The following SMIM35 variants were observed in gnomAD, a reference collection of about 807,000 sequenced individuals.
The protein encoded by SMIM35 is small integral membrane protein 35.
rs1419280083 is a variant in SMIM35 at position 118,062,146 on chromosome 11, A to G, written c.7+24605T>C. ...GGAGTTCAAGACCAGCTTGGCCAAC[A>G]TGGCGAAATCCCATCTCTACCAAAA... On this transcript the variant is annotated intron_variant, in intron 1 of 4. Coordinates refer to ENST00000689828, the MANE Select transcript of SMIM35 (RefSeq NM_001394165.1). Among the ~76,000 whole-genome samples, 4 of 152,232 alleles carry G rather than the reference A, an allele frequency of 2.6e-5. No individual in the cohort carries two copies. The South Asian group carries it at 6.2e-4, about 24-fold the overall frequency.
At chr11:118,079,261 G>A (rs1237364917) in intron 1 of SMIM35, among the ~76,000 whole-genome samples, 2 of 152,082 alleles carry the variant, frequency 1.3e-5, no homozygotes, top group African/African-American at 4.8e-5. Flanking sequence ...AGCCCTGAGG[G>A]GAGGATGGGA....
chr11:118,082,133 C>T lies in SMIM35; in HGVS notation c.7+4618G>A, dbSNP rs150869048. On this transcript the variant is annotated intron_variant, in intron 1 of 4. Coordinates refer to ENST00000689828, the MANE Select transcript of SMIM35 (RefSeq NM_001394165.1). ...GTCTTAAAGAGAATAATAGCTACAG[C>T]GGCAGTATCACATCTCTATCCAAAT... Among the ~76,000 whole-genome samples the T allele has an allele frequency of 6.1e-3, 928 of 152,272 alleles. 6 individuals carry two copies. Among genetic ancestry groups the T allele is most frequent in the African/African-American group, 0.019 (792 of 41,548 alleles).
At chr11:118,064,004 G>A (rs1026362203) in intron 1 of SMIM35, among the ~76,000 whole-genome samples, 1 of 152,204 alleles carries the variant, frequency 6.6e-6, no homozygotes, top group African/African-American at 2.4e-5. Context: ...AGGTCCAGAG[G>A]CCTAGATTTG....
intron 1 of SMIM35, among the ~76,000 whole-genome samples, chr11:118,031,142 T>G (rs2058316382): frequency 6.6e-6 from 1 of 152,124 alleles, no homozygotes; most frequent in East Asian, 1.9e-4. Flanking sequence ...CTAGAATAAA[T>G]TTCGTGGTGT....
At chr11:118,070,656 C>T (rs189428168) in intron 1 of SMIM35, among the ~76,000 whole-genome samples, 127 of 152,228 alleles carry the variant, frequency 8.3e-4, no homozygotes, top group Admixed American at 1.0e-3. Context: ...TGAAAAGAAA[C>T]GGGATGGACT....
intron 1 of SMIM35, among the ~76,000 whole-genome samples, chr11:118,029,453 C>T (rs2058300493): frequency 6.6e-6 from 1 of 152,188 alleles, no homozygotes; most frequent in Admixed American, 6.5e-5. Context: ...AACCCACTCT[C>T]TCTATTTGGC....
intron 1 of SMIM35, among the ~76,000 whole-genome samples, chr11:118,069,954 G>A (rs966787802): frequency 3.3e-5 from 5 of 152,008 alleles, no homozygotes; most frequent in Non-Finnish European, 5.9e-5. Context: ...CCAGCCACTC[G>A]GGAGGTTGAG....
intron 1 of SMIM35, among the ~76,000 whole-genome samples, chr11:118,076,811 A>T (rs1474243708): frequency 6.6e-6 from 1 of 152,126 alleles, no homozygotes; most frequent in Non-Finnish European, 1.5e-5. Flanking sequence ...GTGAGAAGTC[A>T]TGCACCTAGA....
intron 1 of SMIM35, among the ~76,000 whole-genome samples, chr11:118,016,132 G>C (rs1448654536): frequency 1.3e-5 from 2 of 152,242 alleles, no homozygotes; most frequent in East Asian, 3.9e-4. Flanking sequence ...GAGCCTGGGA[G>C]GTCCAGCCTC....
intron 1 of SMIM35, among the ~76,000 whole-genome samples, chr11:118,040,575 A>G (rs1014405532): frequency 1.3e-5 from 2 of 152,188 alleles, no homozygotes; most frequent in East Asian, 1.9e-4. Context: ...TAGCAGACTC[A>G]CCTTACAAGA....
At chr11:118,031,880 G>C (rs891847142) in intron 1 of SMIM35, 11 of 152,086 alleles carry the variant, frequency 7.2e-5, no homozygotes, top group African/African-American at 2.7e-4. Context: ...GCCCATGCCA[G>C]TAATCCTAGT....
intron 1 of SMIM35, among the ~76,000 whole-genome samples, chr11:118,085,352 TA>T (rs1276539680): frequency 6.6e-6 from 1 of 151,692 alleles, no homozygotes; most frequent in East Asian, 1.9e-4. Context: ...GCCTCCCGAG[TA>T]GCTGGGATTA....
At chr11:118,026,798 T>A (rs965558426) in intron 1 of SMIM35, among the ~76,000 whole-genome samples, 2 of 152,042 alleles carry the variant, frequency 1.3e-5, no homozygotes, top group African/African-American at 4.8e-5. Context: ...TGAGACCCTG[T>A]TTCTTTTTTT....
chr11:118,081,901 T>C (rs1192751415), intron 1 of SMIM35, among the ~76,000 whole-genome samples: 4 of 152,202 alleles, frequency 2.6e-5, no homozygotes, highest in Non-Finnish European at 5.9e-5. Flanking sequence ...CAGGGGAGAC[T>C]GCTTTCCCAC....
At chr11:118,072,898 TCA>T (rs1268632372) in intron 1 of SMIM35, among the ~76,000 whole-genome samples, 3 of 152,146 alleles carry the variant, frequency 2.0e-5, no homozygotes, top group Non-Finnish European at 4.4e-5. Flanking sequence ...ACCAAACACT[TCA>T]CATGGAAGTG....
chr11:118,056,074 T>G (rs1944304963), intron 1 of SMIM35, among the ~76,000 whole-genome samples: 1 of 152,050 alleles, frequency 6.6e-6, no homozygotes, highest in Non-Finnish European at 1.5e-5. Flanking sequence ...CACGGTTCCC[T>G]TAAGGTTCCA....
intron 1 of SMIM35, among the ~76,000 whole-genome samples, chr11:118,030,265 C>T (rs567793318): frequency 1.1e-3 from 163 of 152,164 alleles, no homozygotes; most frequent in Non-Finnish European, 2.1e-3. Flanking sequence ...GAACCCCTGA[C>T]CTCAAGTGAT....
At chr11:118,064,534 T>A (rs985214287) in intron 1 of SMIM35, among the ~76,000 whole-genome samples, 30 of 152,386 alleles carry the variant, frequency 2.0e-4, no homozygotes, top group Non-Finnish European at 4.3e-4. Flanking sequence ...TCCTCTTCCC[T>A]CAGCCTCCTG....
chr11:118,027,657 T>C (rs1289048140), intron 1 of SMIM35, among the ~76,000 whole-genome samples: 2 of 152,254 alleles, frequency 1.3e-5, no homozygotes, highest in Non-Finnish European at 2.9e-5. Context: ...TAGATAACCA[T>C]ATCAACTGAT....
Sources: gnomAD v4.1 joint callset for allele counts (sites outside exome capture counted in the v4.1 genomes callset) on GRCh38, gnomAD v4.1.1 for gene constraint, MANE v1.5 for transcripts, NCBI Gene and HGNC (gene_info 2026-07-23, HGNC 2026-07-21) for gene names.